Variants in LRCH3 observed in about 807,000 individuals in gnomAD.
The protein encoded by LRCH3 is leucine rich repeats and calponin homology domain containing 3.
A neutral mutation model predicts 104.5 loss-of-function variants in LRCH3; 68 were observed. That is an observed-to-expected ratio of 0.65 (90% CI 0.54 to 0.80). LRCH3 has a LOEUF of 0.80. LRCH3 is among the 30% of genes least tolerant of loss of function. The probability of loss-of-function intolerance (pLI) is 0.00; values close to 1 mark genes in which losing one functional copy is unlikely to be tolerated. For synonymous variants in LRCH3, 344 were observed against 361.3 expected (o/e 0.95, Z 0.54); for missense variants, 951 against 953.9 (o/e 1.00, Z 0.04).
intron 3 of LRCH3, among the ~76,000 whole-genome samples, chr3:197,820,006 C>T (rs1197093314): frequency 6.6e-6 from 1 of 152,154 alleles, no homozygotes; most frequent in East Asian, 1.9e-4. Flanking sequence ...CACCATACTC[C>T]GCAGCAAGCG....
At chr3:197,811,961 TAAG>T (rs1290560670) in intron 1 of LRCH3, among the ~76,000 whole-genome samples, 2 of 152,266 alleles carry the variant, frequency 1.3e-5, no homozygotes, top group African/African-American at 2.4e-5. Flanking sequence ...TACATGTCAC[TAAG>T]AAGAGGCAGA....
In LRCH3 at chr3:197,827,033, A is replaced by G. The variant is rs1169890833; in HGVS notation, c.777+19A>G. On this transcript the variant is annotated intron_variant, in intron 5 of 20. Transcript: ENST00000425562. ...TGCACAGGTAAACCATAGTGGAAGC[A>G]TCAGGTAAACCATGGTGGAAGCATC... 1 of 1,555,236 alleles carries G rather than the reference A, an allele frequency of 6.4e-7. No homozygotes were observed. The highest frequency in any genetic ancestry group is 1.9e-5 in the Admixed American group (1 of 53,146).
At chr3:197,840,960 T>C (rs569397375) in intron 10 of LRCH3, among the ~76,000 whole-genome samples, 99 of 152,308 alleles carry the variant, frequency 6.5e-4, no homozygotes, top group African/African-American at 2.2e-3. Context: ...GCATCCATCA[T>C]AGGTGAAGCT....
chr3:197,792,763 C>T (rs1050909675), intron 1 of LRCH3, among the ~76,000 whole-genome samples: 4 of 149,958 alleles, frequency 2.7e-5, no homozygotes, highest in Admixed American at 6.7e-5. Flanking sequence ...GTGATCCTCC[C>T]ACCTCAGCCT....
At chr3:197,869,028 G>A (rs112068840) in intron 17 of LRCH3, among the ~76,000 whole-genome samples, 12 of 152,322 alleles carry the variant, frequency 7.9e-5, no homozygotes, top group Non-Finnish European at 1.6e-4. Flanking sequence ...AGTCAACTGG[G>A]TAATGAACAT....
intron 10 of LRCH3, among the ~76,000 whole-genome samples, chr3:197,842,082 C>A (rs1737888599): frequency 6.6e-6 from 1 of 152,130 alleles, no homozygotes; most frequent in Non-Finnish European, 1.5e-5. Flanking sequence ...TACTAACCCT[C>A]CTGCTTTGGC....
At chr3:197,829,486 C>A in intron 5 of LRCH3, 78 bp from the exon 6 acceptor site, 1 of 830,536 alleles carries the variant, frequency 1.2e-6, no homozygotes, top group Non-Finnish European at 1.9e-6. Context: ...ATGTATGTTA[C>A]ATAAAATGTT....
At chr3:197,805,362 A>G (rs536358269) in intron 1 of LRCH3, among the ~76,000 whole-genome samples, 1 of 152,362 alleles carries the variant, frequency 6.6e-6, no homozygotes, top group Non-Finnish European at 1.5e-5. Flanking sequence ...GTGCAACAGA[A>G]AAATCAAGGA....
chr3:197,845,598 A>G (rs75591521), intron 10 of LRCH3, among the ~76,000 whole-genome samples: 2,912 of 151,978 alleles, frequency 0.019, 124 homozygotes, highest in African/African-American at 0.067. Context: ...GTAGAAAGAA[A>G]GTGTGTATTA....
At position 197,854,791 on chromosome 3, in the gene LRCH3, A is replaced by G. The variant is rs577118212; in HGVS notation, c.1644+346A>G. 6.6e-5 allele frequency among the ~76,000 whole-genome samples: 10 copies of G among 152,256 alleles called. No individual in the cohort carries two copies. The highest frequency in any genetic ancestry group is 2.0e-4 in the Admixed American group (3 of 15,286). ...CATTAATTTGGCTCATGGGTCACCT[A>G]TATGTTAAGGTGACTCATGACACTG... On this transcript the variant is annotated intron_variant, in intron 14 of 20. Transcript: ENST00000425562. The surrounding 1 kb of genome is among the most constrained non-coding windows in gnomAD (Gnocchi z 4.5).
chr3:197,885,017 T>C lies in LRCH3; in HGVS notation c.*1351T>C, dbSNP rs1467909911. ...CATACCATCATAGAAGATAGTTCTATGTCATCCTGTTATCTGGACATTATA... is the reference window on the plus strand; with the variant it reads ...CATACCATCATAGAAGATAGTTCTACGTCATCCTGTTATCTGGACATTATA... On this transcript the variant is annotated 3_prime_UTR_variant, in exon 21 of 21. Transcript: ENST00000425562. 1 of 152,224 alleles carries C rather than the reference T, an allele frequency of 6.6e-6. No homozygotes were observed. The highest frequency in any genetic ancestry group is 1.5e-5 in the Non-Finnish European group (1 of 68,064). The allele number at this position is 152,224 out of a possible 1,614,324, so 9.4% of individuals were successfully genotyped here. A position where few individuals can be genotyped will look rare whatever the true frequency, so the allele number is the denominator to read the frequency against.
intron 1 of LRCH3, among the ~76,000 whole-genome samples, chr3:197,803,203 A>C (rs1242936765): frequency 1.3e-5 from 2 of 152,210 alleles, no homozygotes; most frequent in Non-Finnish European, 2.9e-5. Context: ...TGGTAGTTAT[A>C]TGTCTCACTT....
At chr3:197,851,027 A>G in intron 12 of LRCH3, 3 of 758,416 alleles carry the variant, frequency 4.0e-6, no homozygotes, top group Non-Finnish European at 7.4e-6. Flanking sequence ...AAACACGCTC[A>G]GAGAGAATAA....
chr3:197,883,494 TC>T lies in LRCH3; in HGVS notation c.2209-45del. 6.6e-7 allele frequency: 1 copy of T among 1,519,448 alleles called. No individual in the cohort carries two copies. The allele number at this position is 1,519,448 out of a possible 1,614,324, so 94.1% of individuals were successfully genotyped here. A position where few individuals can be genotyped will look rare whatever the true frequency, so the allele number is the denominator to read the frequency against. ...TTTCCTTTCAGTTCTATGATATTCA[TC>T]CGATTTTCTTTTTTGTTTGTTTTCA... On this transcript the variant is annotated intron_variant, in intron 20 of 20. Transcript: ENST00000425562. This position sits in a 1 kb window ranked among gnomAD's most constrained non-coding sequence, Gnocchi z 4.2.
intron 1 of LRCH3, among the ~76,000 whole-genome samples, chr3:197,795,097 G>C (rs1285277805): frequency 6.6e-6 from 1 of 152,152 alleles, no homozygotes; most frequent in Admixed American, 6.5e-5. Context: ...GAAAGTCTTA[G>C]AAGACATCAC....
rs937093501 is a variant in LRCH3 at position 197,869,324 on chromosome 3, T to C, written c.1874-836T>C. Among the ~76,000 whole-genome samples the C allele has an allele frequency of 1.1e-4, 16 of 151,310 alleles. 1 individual carries two copies. The highest frequency in any genetic ancestry group is 3.9e-4 in the African/African-American group (16 of 41,106). On this transcript the variant is annotated intron_variant, in intron 17 of 20. Coordinates refer to ENST00000425562, the MANE Select transcript of LRCH3 (RefSeq NM_001365715.1). ...GAGGTAGAAAGCCATGCACTGTACC[T>C]GCAGGAAGTAGAAAGCGGTGCACTG...
At chr3:197,867,638 G>T (rs1711513162) in intron 17 of LRCH3, among the ~76,000 whole-genome samples, 1 of 151,752 alleles carries the variant, frequency 6.6e-6, no homozygotes, top group South Asian at 2.1e-4. Context: ...CAGATCACGA[G>T]GTCAGGAGAT....
Position 197,856,499 on chromosome 3 carries a change from G to A in LRCH3, c.1644+2054G>A, listed in dbSNP as rs540976872. 2.2e-4 allele frequency among the ~76,000 whole-genome samples: 33 copies of A among 152,056 alleles called. No individual in the cohort carries two copies. Among genetic ancestry groups the A allele is most frequent in the African/African-American group, 8.0e-4 (33 of 41,470 alleles). The stretch of plus-strand genomic sequence containing the variant: ...AGTGGCATGAACATGGTTCCTTGAA[G>A]CATCAGCCTCTTGAGTAGCTGGGAC... On this transcript the variant is annotated intron_variant, in intron 14 of 20. Transcript: ENST00000425562. The surrounding 1 kb of genome is among the most constrained non-coding windows in gnomAD (Gnocchi z 4.2).
In LRCH3 at chr3:197,820,334, T is replaced by G. The variant is rs1213079796; in HGVS notation, c.544T>G (p.Cys182Gly). The change falls in exon 4 of 21, where the codon TGC becomes GGC. Residue 182 changes from cysteine to glycine, a missense_variant. By Grantham distance (159) the Cys-to-Gly change is radical (BLOSUM62 -3). Transcript: ENST00000425562. ...LRHLMELDVSCNEIQTIPSQI... is the reference protein window; with the variant it reads ...LRHLMELDVSGNEIQTIPSQI... Reference sequence around the variant, plus strand: ...TATCTTTTCGAAATAGGATGTGAGCTGCAATGAAATTCAAACTATACCTTC... The same window carrying G: ...TATCTTTTCGAAATAGGATGTGAGCGGCAATGAAATTCAAACTATACCTTC... 6.2e-7 allele frequency: 1 copy of G among 1,607,888 alleles called. No homozygotes were observed. The highest frequency in any genetic ancestry group is 1.3e-5 in the African/African-American group (1 of 74,832).
Sources: allele counts gnomAD v4.1 joint callset (sites outside exome capture counted in the v4.1 genomes callset), GRCh38; gene constraint gnomAD v4.1.1; non-coding constraint Gnocchi (gnomAD v3.1); transcripts MANE v1.5; gene names NCBI Gene and HGNC (gene_info 2026-07-23, HGNC 2026-07-21).